Variants in ERGIC1 observed in about 807,000 individuals in gnomAD.
ERGIC1 encodes the protein endoplasmic reticulum-Golgi intermediate compartment protein 1.
In ERGIC1, 19 loss-of-function variants were observed where a neutral mutation model predicts 38.3. The ratio of observed to expected loss-of-function variants is 0.50; its 90% CI spans 0.35 to 0.73. The LOEUF (loss-of-function observed/expected upper bound fraction) is 0.73, where lower values mean the gene tolerates loss of function less well. ERGIC1 is among the 30% of genes least tolerant of loss of function. ERGIC1 has a pLI of 0.01. For missense variants in ERGIC1, 294 were observed against 389.2 expected (o/e 0.76, Z 2.06); for synonymous variants, 124 against 157.6 (o/e 0.79, Z 1.60).
intron 7 of ERGIC1, among the ~76,000 whole-genome samples, chr5:172,929,113 T>C (rs574227607): frequency 4.6e-5 from 7 of 152,078 alleles, no homozygotes; most frequent in South Asian, 4.2e-4. Context: ...CAGCTTGTCA[T>C]GTATATGTAT....
At chr5:172,851,564 G>A (rs1761404738) in intron 1 of ERGIC1, among the ~76,000 whole-genome samples, 1 of 152,198 alleles carries the variant, frequency 6.6e-6, no homozygotes, top group Non-Finnish European at 1.5e-5. Context: ...GACCTCAGTG[G>A]CCACATGGCA....
At chr5:172,870,665 A>G (rs902102268) in intron 1 of ERGIC1, among the ~76,000 whole-genome samples, 2 of 152,200 alleles carry the variant, frequency 1.3e-5, no homozygotes, top group African/African-American at 4.8e-5. Flanking sequence ...TTATGCCATG[A>G]ACTGTTGAAG....
chr5:172,914,768 A>C lies in ERGIC1; in HGVS notation c.305A>C (p.Asp102Ala). The change falls in exon 5 of 10, where the codon GAC becomes GCC. Residue 102 changes from aspartate to alanine, a missense_variant. Transcript: ENST00000393784. ...GGCAGGCACGAAGTGGGCCACATCGACAACTCCATGAAGATCCCGCTGAAC... is the reference window on the plus strand; with the variant it reads ...GGCAGGCACGAAGTGGGCCACATCGCCAACTCCATGAAGATCCCGCTGAAC... ...EMGRHEVGHI[D>A]NSMKIPLNNG... The C allele has an allele frequency of 1.2e-6, 2 of 1,614,156 alleles. No individual in the cohort carries two copies. The highest frequency in any genetic ancestry group is 1.7e-6 in the Non-Finnish European group (2 of 1,180,032).
intron 1 of ERGIC1, among the ~76,000 whole-genome samples, chr5:172,872,242 G>T (rs527567315): frequency 9.2e-5 from 14 of 152,092 alleles, no homozygotes; most frequent in Non-Finnish European, 1.5e-4. Flanking sequence ...CAAGGCCTCA[G>T]TCTGAGTCAC....
At chr5:172,909,609 G>A (rs750443772) in intron 3 of ERGIC1, 58 bp from the exon 4 acceptor site, 32 of 1,496,798 alleles carry the variant, frequency 2.1e-5, no homozygotes, top group Admixed American at 5.0e-5. Flanking sequence ...GCTGTCCCCC[G>A]CAGCTGAGAT....
intron 3 of ERGIC1, among the ~76,000 whole-genome samples, chr5:172,900,584 C>T (rs1317197615): frequency 6.6e-6 from 1 of 152,070 alleles, no homozygotes; most frequent in Non-Finnish European, 1.5e-5. Flanking sequence ...GACACACACA[C>T]CTGTAGTCCC....
At chr5:172,868,913 T>C (rs1457883600) in intron 1 of ERGIC1, among the ~76,000 whole-genome samples, 2 of 152,252 alleles carry the variant, frequency 1.3e-5, no homozygotes, top group Non-Finnish European at 2.9e-5. Flanking sequence ...AGGTTCACGA[T>C]GCACTTGGTG....
intron 1 of ERGIC1, among the ~76,000 whole-genome samples, chr5:172,842,102 A>G (rs901414118): frequency 6.6e-6 from 1 of 152,202 alleles, no homozygotes; most frequent in Non-Finnish European, 1.5e-5. Flanking sequence ...GCTGGAGTGC[A>G]ATGGCGCAAT....
intron 1 of ERGIC1, among the ~76,000 whole-genome samples, chr5:172,856,056 A>G (rs571017489): frequency 6.6e-6 from 1 of 152,338 alleles, no homozygotes; most frequent in East Asian, 1.9e-4. Flanking sequence ...AAAAAAGACA[A>G]TGGACTGGTG....
intron 8 of ERGIC1, 190 bp downstream of exon 8, chr5:172,932,726 C>T: frequency 1.6e-6 from 1 of 606,646 alleles, no homozygotes; most frequent in Non-Finnish European, 2.9e-6. Flanking sequence ...ATGTGGCAGT[C>T]TCAGAGTCAA....
At chr5:172,884,190 T>G (rs1343949953) in intron 1 of ERGIC1, among the ~76,000 whole-genome samples, 1 of 152,114 alleles carries the variant, frequency 6.6e-6, no homozygotes, top group Non-Finnish European at 1.5e-5. Flanking sequence ...CTGTGATGAT[T>G]GTTATTTATT....
intron 5 of ERGIC1, among the ~76,000 whole-genome samples, 194 bp from the exon 6 acceptor site, chr5:172,923,811 C>T (rs1763588847): frequency 6.6e-6 from 1 of 152,198 alleles, no homozygotes; most frequent in Admixed American, 6.5e-5. Context: ...GTAGTGCCCC[C>T]ATTCTGCAGA....
chr5:172,905,354 G>A (rs1484493691), intron 3 of ERGIC1: 1 of 430,334 alleles, frequency 2.3e-6, no homozygotes, highest in Non-Finnish European at 5.0e-6. Context: ...CTGAAGGCCA[G>A]GCAGAGCATT....
intron 1 of ERGIC1, chr5:172,867,648 C>T (rs1361598443): frequency 3.0e-6 from 1 of 330,694 alleles, no homozygotes; most frequent in East Asian, 9.1e-5. Flanking sequence ...TCCCTTCTCT[C>T]TCTGCCCTAG....
At position 172,926,417 on chromosome 5, in the gene ERGIC1, A is replaced by C. The variant is rs1039570803; in HGVS notation, c.481-92A>C. 1.4e-6 allele frequency: 2 copies of C among 1,400,888 alleles called. No homozygotes were observed. The highest frequency in any genetic ancestry group is 2.0e-6 in the Non-Finnish European group (2 of 989,632). The allele number at this position is 1,400,888 out of a possible 1,614,324, so 86.8% of individuals were successfully genotyped here. A position where few individuals can be genotyped will look rare whatever the true frequency, so the allele number is the denominator to read the frequency against. On this transcript the variant is annotated intron_variant, in intron 6 of 9. Coordinates refer to ENST00000393784, the MANE Select transcript of ERGIC1 (RefSeq NM_001031711.3). The surrounding 1 kb of genome is among the most constrained non-coding windows in gnomAD (Gnocchi z 5.2). ...TTTTACACATTGGTAGGGTTCCTAGACCAGGTGGTACCTGGCCATCCCCCA... is the reference window on the plus strand; with the variant it reads ...TTTTACACATTGGTAGGGTTCCTAGCCCAGGTGGTACCTGGCCATCCCCCA...
chr5:172,834,690 G>A lies in ERGIC1; in HGVS notation c.20+257G>A, dbSNP rs572010823. Among the ~76,000 whole-genome samples, 167 of 140,318 alleles carry A rather than the reference G, an allele frequency of 1.2e-3. No homozygotes were observed. The highest frequency in any genetic ancestry group is 2.1e-3 in the Admixed American group (29 of 13,594). 92.1% of individuals were successfully genotyped at this position (140,318 alleles called of 152,430 possible). On this transcript the variant is annotated intron_variant, in intron 1 of 9. Coordinates refer to ENST00000393784, the MANE Select transcript of ERGIC1 (RefSeq NM_001031711.3). This position sits in a 1 kb window ranked among gnomAD's most constrained non-coding sequence, Gnocchi z 4.1. ...GCCGAGCCCCCTCCCCAGCCTGCCCGGATACCTTGCATTCCCCTCCCCCAC... is the reference window on the plus strand; with the variant it reads ...GCCGAGCCCCCTCCCCAGCCTGCCCAGATACCTTGCATTCCCCTCCCCCAC...
intron 1 of ERGIC1, among the ~76,000 whole-genome samples, chr5:172,855,224 A>G (rs1761515812): frequency 6.6e-6 from 1 of 152,166 alleles, no homozygotes; most frequent in Non-Finnish European, 1.5e-5. Context: ...GCTGGTTTCC[A>G]GGAGAGCAGT....
chr5:172,842,048 G>C (rs889423002), intron 1 of ERGIC1, among the ~76,000 whole-genome samples: 1 of 152,040 alleles, frequency 6.6e-6, no homozygotes, highest in Non-Finnish European at 1.5e-5. Context: ...CCTAACATCA[G>C]AGCACCCTCT....
chr5:172,844,449 C>A (rs1157560491), intron 1 of ERGIC1, among the ~76,000 whole-genome samples: 2 of 152,214 alleles, frequency 1.3e-5, no homozygotes, highest in Admixed American at 6.5e-5. Context: ...CCAAACAAAT[C>A]CTTCTGAGGG....
Sources: gnomAD v4.1 joint callset for allele counts (sites outside exome capture counted in the v4.1 genomes callset) on GRCh38, gnomAD v4.1.1 for gene constraint, Gnocchi (gnomAD v3.1) non-coding constraint, MANE v1.5 for transcripts, NCBI Gene and HGNC (gene_info 2026-07-23, HGNC 2026-07-21) for gene names.